The following GAS7 variants were observed in gnomAD, a reference collection of about 807,000 sequenced individuals.
The protein encoded by GAS7 is growth arrest-specific protein 7.
A neutral mutation model predicts 71.1 loss-of-function variants in GAS7; 28 were observed. The ratio of observed to expected loss-of-function variants is 0.39; its 90% CI spans 0.29 to 0.54. The LOEUF (loss-of-function observed/expected upper bound fraction) is 0.54. GAS7 is among the 20% of genes least tolerant of loss of function. The pLI, the probability that GAS7 is intolerant of heterozygous loss-of-function variation, is 0.62. For synonymous variants in GAS7, 258 were observed against 245.8 expected (o/e 1.05, Z -0.46); for missense variants, 436 against 627.8 (o/e 0.69, Z 3.27).
chr17:10,148,090 C>G lies in GAS7; in HGVS notation c.183+50118G>C, dbSNP rs75307795. 1.1e-3 allele frequency among the ~76,000 whole-genome samples: 170 copies of G among 152,242 alleles called. 4 individuals carry two copies. In the East Asian group the frequency reaches 0.027, roughly 24 times the overall value. On this transcript the variant is annotated intron_variant, in intron 1 of 13. Transcript: ENST00000432992. ...AGCACCTGAAAAATCATAAAGCACA[C>G]GTGAACATCAATTATTGGCTAGCAC...
chr17:10,136,424 T>C (rs2074038862), intron 1 of GAS7, among the ~76,000 whole-genome samples: 5 of 152,230 alleles, frequency 3.3e-5, no homozygotes, highest in Admixed American at 3.3e-4. Flanking sequence ...TCAACGGTGC[T>C]GTGGAAAAGG....
chr17:10,097,150 AG>A (rs1442986348), intron 1 of GAS7, among the ~76,000 whole-genome samples: 1 of 152,134 alleles, frequency 6.6e-6, no homozygotes, highest in East Asian at 1.9e-4. Flanking sequence ...CTCCTCTGTA[AG>A]GCCTCCTCAC....
At chr17:9,937,158 C>A (rs1161613193) in intron 8 of GAS7, among the ~76,000 whole-genome samples, 1 of 152,170 alleles carries the variant, frequency 6.6e-6, no homozygotes, top group African/African-American at 2.4e-5. Flanking sequence ...CGTGCATGCA[C>A]ACACAGAGTA....
intron 5 of GAS7, among the ~76,000 whole-genome samples, chr17:9,951,729 C>T (rs2069016527): frequency 7.2e-6 from 1 of 138,656 alleles, no homozygotes; most frequent in Non-Finnish European, 1.5e-5. Flanking sequence ...TGCATCATTC[C>T]AGCCTGGGCA....
chr17:10,191,629 C>A (rs2142155196), intron 1 of GAS7, among the ~76,000 whole-genome samples: 1 of 150,006 alleles, frequency 6.7e-6, no homozygotes, highest in South Asian at 2.1e-4. Flanking sequence ...GTAATCCCAG[C>A]ACTTTGGGAG....
In GAS7 at chr17:10,034,260, G is replaced by T; in HGVS notation, c.184-14363C>A. 1 of 979,874 alleles carries T rather than the reference G, an allele frequency of 1.0e-6. No homozygotes were observed. Among genetic ancestry groups the T allele is most frequent in the Non-Finnish European group, 1.2e-6 (1 of 824,986 alleles). The allele number at this position is 979,874 out of a possible 1,614,324, so 60.7% of individuals were successfully genotyped here. On this transcript the variant is annotated intron_variant, in intron 1 of 13. Transcript: ENST00000432992. The surrounding 1 kb of genome is among the most constrained non-coding windows in gnomAD (Gnocchi z 4.4). The stretch of plus-strand genomic sequence containing the variant: ...TCTCTAAAACACGGAAGTTGGACCA[G>T]ATGGTCTCCAAGGGCTTTCATATAT...
At chr17:10,189,915 G>A (rs1474399191) in intron 1 of GAS7, among the ~76,000 whole-genome samples, 2 of 151,450 alleles carry the variant, frequency 1.3e-5, no homozygotes, top group Non-Finnish European at 2.9e-5. Flanking sequence ...CTTCAGCCTG[G>A]GCAACAGAGC....
intron 1 of GAS7, among the ~76,000 whole-genome samples, chr17:10,048,334 A>C (rs986530298): frequency 3.3e-5 from 5 of 152,230 alleles, no homozygotes; most frequent in East Asian, 1.9e-4. Flanking sequence ...ACAACAACAA[A>C]AAATCATTCA....
rs190008512 is a variant in GAS7, at chr17:10,046,180, G to A, written c.184-26283C>T. Reference sequence around the variant, plus strand: ...TGAACTTGAATTCTCTACTGACTACGTCCCCACAACGACAGGAACACGGTA... The same window carrying A: ...TGAACTTGAATTCTCTACTGACTACATCCCCACAACGACAGGAACACGGTA... On this transcript the variant is annotated intron_variant, in intron 1 of 13. Transcript: ENST00000432992. 2.4e-4 allele frequency among the ~76,000 whole-genome samples: 36 copies of A among 151,818 alleles called. No individual in the cohort carries two copies. In the East Asian group the frequency reaches 4.1e-3, roughly 17 times the overall value.
chr17:10,133,604 C>T (rs1434091335), intron 1 of GAS7, among the ~76,000 whole-genome samples: 1 of 152,000 alleles, frequency 6.6e-6, no homozygotes, highest in Non-Finnish European at 1.5e-5. Flanking sequence ...AAATATAATA[C>T]GCTATTATTA....
chr17:9,925,362 C>T (rs946889131), intron 11 of GAS7, 114 bp downstream of exon 11: 2 of 1,050,272 alleles, frequency 1.9e-6, no homozygotes, highest in Non-Finnish European at 2.9e-6. Flanking sequence ...AAGTAATTTC[C>T]TCGCTGCAGT....
Position 9,926,691 on chromosome 17 carries a change from T to C in GAS7, c.964A>G (p.Ile322Val). The change falls in exon 10 of 14, where the codon ATT becomes GTT. Residue 322 changes from isoleucine to valine, a missense_variant. Ile to Val is a conservative substitution (Grantham distance 29). Transcript: ENST00000432992. This position sits in a 1 kb window ranked among gnomAD's most constrained non-coding sequence, Gnocchi z 5.0. ...KKDMKKCDHH[I>V]ADLRKQLASR... ...GCGAGCTGCTTGCGAAGGTCGGCAA[T>C]GTGGTGGTCGCACTTCTTCATGTCT... 6.2e-7 allele frequency: 1 copy of C among 1,613,946 alleles called. No individual in the cohort carries two copies. The highest frequency in any genetic ancestry group is 8.5e-7 in the Non-Finnish European group (1 of 1,179,976).
At chr17:9,994,739 G>A (rs1031325649) in intron 2 of GAS7, among the ~76,000 whole-genome samples, 1 of 150,904 alleles carries the variant, frequency 6.6e-6, no homozygotes, top group Non-Finnish European at 1.5e-5. Context: ...AGAGTGAACA[G>A]GCAACCTACA....
intron 1 of GAS7, among the ~76,000 whole-genome samples, chr17:10,197,834 C>T (rs978197007): frequency 6.6e-6 from 1 of 152,222 alleles, no homozygotes; most frequent in African/African-American, 2.4e-5. Context: ...TTTCTCGCAC[C>T]CCTGATCCTC....
intron 2 of GAS7, among the ~76,000 whole-genome samples, chr17:9,986,804 A>G (rs1176583403): frequency 6.6e-6 from 1 of 152,194 alleles, no homozygotes; most frequent in Non-Finnish European, 1.5e-5. Context: ...GATTCAGCCC[A>G]GTCCATCTCC....
At chr17:10,107,811 C>T (rs899303596) in intron 1 of GAS7, among the ~76,000 whole-genome samples, 1 of 150,294 alleles carries the variant, frequency 6.7e-6, no homozygotes, top group Non-Finnish European at 1.5e-5. Flanking sequence ...GCAGGAGAAC[C>T]GCCTTACACA....
chr17:10,057,544 G>A (rs1036203724), intron 1 of GAS7, among the ~76,000 whole-genome samples: 5 of 150,984 alleles, frequency 3.3e-5, no homozygotes, highest in Non-Finnish European at 5.9e-5. Context: ...GAAGTGAGGA[G>A]CATCTCCACC....
intron 2 of GAS7, among the ~76,000 whole-genome samples, chr17:9,994,599 A>G (rs2070966247): frequency 6.6e-6 from 1 of 150,416 alleles, no homozygotes; most frequent in South Asian, 2.1e-4. Flanking sequence ...CCTAGGCATT[A>G]CCATTCAGGA....
chr17:10,078,080 T>TGTGTG lies in GAS7; in HGVS notation c.184-58184_184-58183insCACAC, dbSNP rs1555531361. ...GTGTGTGTGTGTGTGTGTGTGTGTG[T>TGTGTG]TTTGTTTTGTTTTGTTTTGTTTTGT... is the stretch of plus-strand genomic sequence containing the variant. On this transcript the variant is annotated intron_variant, in intron 1 of 13. Coordinates refer to ENST00000432992, the MANE Select transcript of GAS7 (RefSeq NM_201433.2). Among the ~76,000 whole-genome samples, 1,035 of 134,012 alleles carry TGTGTG rather than the reference T, an allele frequency of 7.7e-3. 8 individuals carry two copies. Among genetic ancestry groups the TGTGTG allele is most frequent in the African/African-American group, 0.023 (803 of 35,314 alleles). 87.9% of individuals were successfully genotyped at this position (134,012 alleles called of 152,430 possible).
Sources: allele counts gnomAD v4.1 joint callset (sites outside exome capture counted in the v4.1 genomes callset), GRCh38; gene constraint gnomAD v4.1.1; non-coding constraint Gnocchi (gnomAD v3.1); transcripts MANE v1.5; gene names NCBI Gene and HGNC (gene_info 2026-07-23, HGNC 2026-07-21).